The following MEIS2 variants were observed in gnomAD, a reference collection of about 807,000 sequenced individuals.
MEIS2 encodes the protein homeobox protein Meis2.
MEIS2 carries 9 observed loss-of-function variants against 58.6 expected under a neutral mutation model. The observed-to-expected ratio is 0.15, with a 90% CI of 0.09 to 0.27. MEIS2 has a LOEUF of 0.27. MEIS2 is among the 10% of genes least tolerant of loss of function. The pLI, the probability that MEIS2 is intolerant of heterozygous loss-of-function variation, is 1.00. For synonymous variants in MEIS2, 221 were observed against 228.4 expected (o/e 0.97, Z 0.29); for missense variants, 427 against 635.0 (o/e 0.67, Z 3.52).
rs546770056 is a variant in MEIS2, at chr15:37,047,322, T to C, written c.755-10363A>G. Among the ~76,000 whole-genome samples, 153 of 152,266 alleles carry C rather than the reference T, an allele frequency of 1.0e-3. 3 individuals are homozygous for C. Among genetic ancestry groups the C allele is most frequent in the Admixed American group, 5.6e-3 (85 of 15,292 alleles). ...TTTTTTAATGTTCTGTTCACCTCCC[T>C]AGAGTGGCATTTCAGCTAACAGAGT... On this transcript the variant is annotated intron_variant, in intron 7 of 11. Coordinates refer to ENST00000561208, the MANE Select transcript of MEIS2 (RefSeq NM_170675.5).
intron 8 of MEIS2, among the ~76,000 whole-genome samples, chr15:36,965,971 T>C (rs1938064328): frequency 6.6e-6 from 1 of 152,254 alleles, no homozygotes; most frequent in Non-Finnish European, 1.5e-5. Context: ...AGTGAGCTTA[T>C]ACACATTAGA....
At chr15:36,952,605 C>CTGTG (rs1323367225) in intron 8 of MEIS2, among the ~76,000 whole-genome samples, 130 of 83,564 alleles carry the variant, frequency 1.6e-3, no homozygotes, top group Non-Finnish European at 2.7e-3. Flanking sequence ...CTGTCTCTCT[C>CTGTG]TCTGTGTGTG....
rs778841835 is a variant in MEIS2, at chr15:37,099,410, A to C, written c.12+45T>G. The C allele has an allele frequency of 6.2e-6, 10 of 1,614,024 alleles. No homozygotes were observed. The South Asian group carries it at 1.1e-4, about 18-fold the overall frequency. Reference sequence around the variant, plus strand: ...GGAGGCATCGGGACAGGCCCCTCTTAGGAGAGGATTTATATCTAGGTAAGT... The same window carrying C: ...GGAGGCATCGGGACAGGCCCCTCTTCGGAGAGGATTTATATCTAGGTAAGT... On this transcript the variant is annotated intron_variant, in intron 1 of 11. Coordinates refer to ENST00000561208, the MANE Select transcript of MEIS2 (RefSeq NM_170675.5).
intron 8 of MEIS2, among the ~76,000 whole-genome samples, chr15:37,018,674 C>T (rs2061427445): frequency 6.6e-6 from 1 of 152,122 alleles, no homozygotes; most frequent in Admixed American, 6.5e-5. Context: ...GATTTCTACC[C>T]ATTCATTCAT....
At chr15:36,925,448 A>C (rs1439291666) in intron 9 of MEIS2, among the ~76,000 whole-genome samples, 1 of 152,190 alleles carries the variant, frequency 6.6e-6, no homozygotes, top group Non-Finnish European at 1.5e-5. Context: ...TGGCTCAGAG[A>C]CCACACAAGG....
intron 7 of MEIS2, among the ~76,000 whole-genome samples, chr15:37,069,459 G>T (rs72710655): frequency 1.3e-5 from 2 of 152,190 alleles, no homozygotes; most frequent in Non-Finnish European, 2.9e-5. Flanking sequence ...ATATGGCAAA[G>T]ATAGTCTTAA....
intron 8 of MEIS2, among the ~76,000 whole-genome samples, chr15:36,999,043 G>A (rs1469244277): frequency 6.6e-6 from 1 of 152,188 alleles, no homozygotes; most frequent in African/African-American, 2.4e-5. Context: ...AGAGTTATCA[G>A]TGTCCTCAAT....
chr15:36,953,533 T>C (rs2058838827), intron 8 of MEIS2, among the ~76,000 whole-genome samples: 1 of 152,180 alleles, frequency 6.6e-6, no homozygotes, highest in South Asian at 2.1e-4. Context: ...CTCAACTTAC[T>C]CATAAGAGCA....
At chr15:37,050,582 G>C (rs543523617) in intron 7 of MEIS2, among the ~76,000 whole-genome samples, 6 of 152,076 alleles carry the variant, frequency 3.9e-5, no homozygotes, top group African/African-American at 1.4e-4. Context: ...AAGAGTATCC[G>C]ACATACTTTT....
At chr15:37,096,625 C>G (rs1212498887) in intron 2 of MEIS2, 195 bp from the exon 3 acceptor site, 1 of 543,168 alleles carries the variant, frequency 1.8e-6, no homozygotes, top group Non-Finnish European at 3.0e-6. Context: ...CTGGCCCTCT[C>G]CCGCAGCTCA....
chr15:37,023,697 G>A (rs2061599999), intron 8 of MEIS2, among the ~76,000 whole-genome samples: 1 of 152,122 alleles, frequency 6.6e-6, no homozygotes, highest in African/African-American at 2.4e-5. Context: ...TGTGGAGAGA[G>A]TCCATTCAGC....
chr15:36,961,042 C>T (rs2141428702), intron 8 of MEIS2, among the ~76,000 whole-genome samples: 1 of 152,074 alleles, frequency 6.6e-6, no homozygotes, highest in South Asian at 2.1e-4. Flanking sequence ...TTAGAACAGC[C>T]TCTGCAGTGA....
chr15:37,018,153 C>T (rs1364091843), intron 8 of MEIS2, among the ~76,000 whole-genome samples: 3 of 152,172 alleles, frequency 2.0e-5, no homozygotes, highest in African/African-American at 7.2e-5. Context: ...GATATTGAAG[C>T]TCCATCCAAG....
chr15:36,988,588 G>T (rs964733538), intron 8 of MEIS2, among the ~76,000 whole-genome samples: 1 of 152,126 alleles, frequency 6.6e-6, no homozygotes, highest in East Asian at 1.9e-4. Flanking sequence ...ATACCTTAAG[G>T]CACACTGCAT....
chr15:36,995,330 T>C (rs968231787), intron 8 of MEIS2, among the ~76,000 whole-genome samples: 4 of 152,196 alleles, frequency 2.6e-5, no homozygotes, highest in African/African-American at 9.6e-5. Context: ...CATGCACTTT[T>C]TTTTTCTAAT....
At chr15:37,092,826 A>G (rs1326915909) in intron 6 of MEIS2, among the ~76,000 whole-genome samples, 3 of 145,132 alleles carry the variant, frequency 2.1e-5, no homozygotes, top group African/African-American at 7.7e-5. Flanking sequence ...TCCTGGCCTG[A>G]CATACACAGT....
At chr15:36,910,331 C>CA (rs1315473080) in intron 9 of MEIS2, among the ~76,000 whole-genome samples, 12 of 151,866 alleles carry the variant, frequency 7.9e-5, no homozygotes, top group Non-Finnish European at 1.8e-4. Flanking sequence ...GGGCCTAGGT[C>CA]AAAAAAATAT....
Position 37,041,262 on chromosome 15 carries a change from T to A in MEIS2, c.755-4303A>T, listed in dbSNP as rs139386948. 3.0e-4 allele frequency among the ~76,000 whole-genome samples: 45 copies of A among 152,336 alleles called. 2 individuals carry two copies. The highest frequency in any genetic ancestry group is 9.9e-4 in the African/African-American group (41 of 41,590). ...CCTACTGAATCTGAAACTCTAGGTG[T>A]GGGGCCCTGTTAATCATCCCTGCAG... On this transcript the variant is annotated intron_variant, in intron 7 of 11. Coordinates refer to ENST00000561208, the MANE Select transcript of MEIS2 (RefSeq NM_170675.5).
intron 9 of MEIS2, among the ~76,000 whole-genome samples, chr15:36,921,320 T>A (rs1300058916): frequency 6.6e-6 from 1 of 152,150 alleles, no homozygotes; most frequent in Non-Finnish European, 1.5e-5. Context: ...AAATGATCAG[T>A]TCCAATAGAA....
Sources: allele counts gnomAD v4.1 joint callset (sites outside exome capture counted in the v4.1 genomes callset), GRCh38; gene constraint gnomAD v4.1.1; transcripts MANE v1.5; gene names NCBI Gene and HGNC (gene_info 2026-07-23, HGNC 2026-07-21).